Variants in MAMDC2 observed in about 807,000 individuals in gnomAD.
The protein encoded by MAMDC2 is MAM domain-containing protein 2.
Under a neutral mutation model 89.8 loss-of-function variants are expected in MAMDC2, and 57 were observed. The observed-to-expected ratio is 0.63, with a 90% CI of 0.51 to 0.79. MAMDC2 has a LOEUF of 0.79. MAMDC2 is among the 30% of genes least tolerant of loss of function. MAMDC2 has a pLI of 0.00. For missense variants in MAMDC2, 800 were observed against 820.6 expected, an observed-to-expected ratio of 0.97 and a Z score of 0.31; for synonymous variants, 313 against 293.4, an observed-to-expected ratio of 1.07 and a Z score of -0.68.
At chr9:70,154,647 C>G (rs2031691623) in intron 9 of MAMDC2, among the ~76,000 whole-genome samples, 1 of 151,104 alleles carries the variant, frequency 6.6e-6, no homozygotes, top group Non-Finnish European at 1.5e-5. Context: ...ACCTCAGCTT[C>G]CCAAGTAGCT....
intron 2 of MAMDC2, among the ~76,000 whole-genome samples, chr9:70,053,983 GAGTC>G (rs1826970910): frequency 6.6e-6 from 1 of 152,156 alleles, no homozygotes; most frequent in Non-Finnish European, 1.5e-5. Flanking sequence ...TAGGAGTAAT[GAGTC>G]AGAGGAAGAG....
At chr9:70,208,002 G>A (rs1273152003) in intron 11 of MAMDC2, among the ~76,000 whole-genome samples, 1 of 152,066 alleles carries the variant, frequency 6.6e-6, no homozygotes, top group African/African-American at 2.4e-5. Context: ...TCTCTGTTTT[G>A]GTACCAGTAC....
chr9:70,222,385 CAGTT>C (rs1201096739), intron 12 of MAMDC2, among the ~76,000 whole-genome samples: 1 of 152,118 alleles, frequency 6.6e-6, no homozygotes, highest in East Asian at 1.9e-4. Flanking sequence ...GAAGAGAACA[CAGTT>C]AGGGAAGTAA....
intron 3 of MAMDC2, 122 bp downstream of exon 3, chr9:70,108,604 T>C (rs1828410683): frequency 2.5e-6 from 2 of 804,120 alleles, no homozygotes; most frequent in Admixed American, 6.1e-5. Flanking sequence ...TGATGTTTCA[T>C]AAGATACATA....
chr9:70,141,787 A>G (rs1300745708), intron 8 of MAMDC2, among the ~76,000 whole-genome samples: 1 of 152,142 alleles, frequency 6.6e-6, no homozygotes, highest in Non-Finnish European at 1.5e-5. Flanking sequence ...CAGGGGCAGT[A>G]AATTGTGGGA....
chr9:70,077,273 C>G (rs1827553036), intron 2 of MAMDC2, among the ~76,000 whole-genome samples: 1 of 152,200 alleles, frequency 6.6e-6, no homozygotes, highest in Non-Finnish European at 1.5e-5. Flanking sequence ...AGGTGAAACC[C>G]TCCTTCTTCC....
chr9:70,121,575 C>T (rs576703006), intron 5 of MAMDC2, among the ~76,000 whole-genome samples: 3 of 152,228 alleles, frequency 2.0e-5, no homozygotes, highest in African/African-American at 7.2e-5. Flanking sequence ...TAACCTCTTT[C>T]GTTTTCAGTT....
At chr9:70,162,307 C>T (rs190100010) in intron 9 of MAMDC2, among the ~76,000 whole-genome samples, 2 of 152,256 alleles carry the variant, frequency 1.3e-5, no homozygotes, top group Admixed American at 6.5e-5. Flanking sequence ...CAGCACCCAA[C>T]AAAATTTATT....
At chr9:70,102,527 C>A (rs1170280801) in intron 2 of MAMDC2, among the ~76,000 whole-genome samples, 1 of 152,174 alleles carries the variant, frequency 6.6e-6, no homozygotes, top group East Asian at 1.9e-4. Context: ...AGCGATTGAA[C>A]ATGACTTCAA....
At chr9:70,115,652 T>C (rs2029952927) in intron 5 of MAMDC2, among the ~76,000 whole-genome samples, 1 of 152,156 alleles carries the variant, frequency 6.6e-6, no homozygotes, top group Admixed American at 6.5e-5. Context: ...TGACAAAGGA[T>C]TGGAGTTTTT....
intron 2 of MAMDC2, among the ~76,000 whole-genome samples, chr9:70,104,694 C>T (rs1232322808): frequency 1.3e-5 from 2 of 152,114 alleles, no homozygotes; most frequent in African/African-American, 2.4e-5. Flanking sequence ...CAAAGGGACA[C>T]ATATTATATA....
At chr9:70,051,892 T>TAGAC (rs1563932170) in intron 2 of MAMDC2, among the ~76,000 whole-genome samples, 1 of 113,226 alleles carries the variant, frequency 8.8e-6, no homozygotes, top group East Asian at 2.5e-4. Context: ...TAGATAGAGA[T>TAGAC]AGATAGATAG....
chr9:70,056,826 C>A (rs1827035038), intron 2 of MAMDC2, among the ~76,000 whole-genome samples: 1 of 152,250 alleles, frequency 6.6e-6, no homozygotes, highest in Admixed American at 6.5e-5. Flanking sequence ...CCTACCAGAT[C>A]AGCAGCGGCA....
chr9:70,187,353 G>A (rs979647573), intron 11 of MAMDC2, among the ~76,000 whole-genome samples: 1 of 151,726 alleles, frequency 6.6e-6, no homozygotes, highest in African/African-American at 2.4e-5. Flanking sequence ...GAATCTTAGC[G>A]ATGTTCAGTA....
chr9:70,105,531 A>G (rs1828316794), intron 2 of MAMDC2, among the ~76,000 whole-genome samples: 1 of 152,176 alleles, frequency 6.6e-6, no homozygotes, highest in African/African-American at 2.4e-5. Flanking sequence ...TGCTGCTAAG[A>G]GGCACGTTCA....
intron 2 of MAMDC2, chr9:70,082,197 C>T (rs769605438): frequency 6.6e-6 from 1 of 152,084 alleles, no homozygotes; most frequent in Non-Finnish European, 1.5e-5. Context: ...GAGTTTACAA[C>T]CAGCCTGGGC....
chr9:70,047,473 T>C (rs1587421764), intron 2 of MAMDC2, among the ~76,000 whole-genome samples: 1 of 152,244 alleles, frequency 6.6e-6, no homozygotes, highest in East Asian at 1.9e-4. Context: ...TGTTCCTGTG[T>C]TAGTTTGCTG....
rs1249527942 is a variant in MAMDC2, at chr9:70,168,663, A to G, written c.1405-39A>G. The G allele has an allele frequency of 3.2e-6, 5 of 1,553,246 alleles. No homozygotes were observed. The South Asian group carries it at 4.5e-5, about 14-fold the overall frequency. ...AGGTTGTTAGGAGTTTCCAGTTTTC[A>G]GTTAACAGAATTCATAGCTTTATTT... On this transcript the variant is annotated intron_variant, in intron 9 of 13. Coordinates refer to ENST00000377182, the MANE Select transcript of MAMDC2 (RefSeq NM_153267.5).
At chr9:70,169,861 T>C (rs1341244487) in intron 10 of MAMDC2, 1 of 152,230 alleles carries the variant, frequency 6.6e-6, no homozygotes, top group African/African-American at 2.4e-5. Context: ...AATTTAATTA[T>C]TGAGAACTTC....
Sources: allele counts gnomAD v4.1 joint callset (sites outside exome capture counted in the v4.1 genomes callset), GRCh38; gene constraint gnomAD v4.1.1; transcripts MANE v1.5; gene names NCBI Gene and HGNC (gene_info 2026-07-23, HGNC 2026-07-21).